Variants in NTSR1 observed in about 807,000 individuals in gnomAD.
NTSR1 encodes neurotensin receptor type 1.
In NTSR1, 29 loss-of-function variants were observed where a neutral mutation model predicts 31.2. That is an observed-to-expected ratio of 0.93 (90% CI 0.69 to 1.27). The LOEUF is 1.27. NTSR1 is among the 50% of genes most tolerant of loss of function. The pLI, the probability that NTSR1 is intolerant of heterozygous loss-of-function variation, is 0.00. For missense variants in NTSR1, 697 were observed against 595.4 expected (o/e 1.17, Z -1.78); for synonymous variants, 282 against 269.9 (o/e 1.04, Z -0.44).
intron 1 of NTSR1, among the ~76,000 whole-genome samples, chr20:62,750,837 T>C (rs533542877): frequency 6.6e-6 from 1 of 152,172 alleles, no homozygotes; most frequent in African/African-American, 2.4e-5. Flanking sequence ...CATTTCACAA[T>C]GTATACATAG....
At chr20:62,738,251 G>A (rs1023286449) in intron 1 of NTSR1, among the ~76,000 whole-genome samples, 9 of 152,168 alleles carry the variant, frequency 5.9e-5, no homozygotes, top group African/African-American at 9.7e-5. Context: ...CTAGATGGCC[G>A]GCCTGGATGA....
At chr20:62,728,876 C>T (rs765874584) in intron 1 of NTSR1, among the ~76,000 whole-genome samples, 30 of 152,148 alleles carry the variant, frequency 2.0e-4, no homozygotes, top group Non-Finnish European at 1.8e-4. Flanking sequence ...GACAGAGGGG[C>T]TTCAGGACAC....
At position 62,709,316 on chromosome 20, in the gene NTSR1, A is replaced by C; in HGVS notation, c.109A>C (p.Asn37His). ...GGCGCTGCTGGCCCCGGGCTTCGGC[A>C]ACGCTTCGGGCAACGCGTCGGAGCG... ...EEALLAPGFG[N>H]ASGNASERVL... is the part of the protein sequence containing the mutation. Residue 37 changes from asparagine to histidine, a missense_variant, in exon 1 of 4, where the codon AAC becomes CAC. Transcript: ENST00000370501. 1 of 1,606,510 alleles carries C rather than the reference A, an allele frequency of 6.2e-7. No homozygotes were observed. The highest frequency in any genetic ancestry group is 8.5e-7 in the Non-Finnish European group (1 of 1,177,832).
intron 1 of NTSR1, among the ~76,000 whole-genome samples, chr20:62,728,823 T>C (rs985853724): frequency 6.6e-6 from 1 of 152,146 alleles, no homozygotes; most frequent in African/African-American, 2.4e-5. Flanking sequence ...CCAGTTTCTG[T>C]CACCTGCACC....
chr20:62,718,883 C>T (rs1233369183), intron 1 of NTSR1, among the ~76,000 whole-genome samples: 3 of 152,166 alleles, frequency 2.0e-5, no homozygotes, highest in Admixed American at 6.5e-5. Context: ...TGAGTAAATA[C>T]GTAGGTTTCA....
At chr20:62,757,696 C>T (rs1414390077) in intron 2 of NTSR1, among the ~76,000 whole-genome samples, 1 of 152,178 alleles carries the variant, frequency 6.6e-6, no homozygotes, top group Non-Finnish European at 1.5e-5. Context: ...CTCCCTGCAT[C>T]TCCCTCAGAC....
intron 1 of NTSR1, among the ~76,000 whole-genome samples, chr20:62,721,316 G>T (rs937644846): frequency 4.6e-5 from 7 of 152,178 alleles, no homozygotes; most frequent in Non-Finnish European, 1.0e-4. Context: ...CATCCTCTGG[G>T]TCATCTTGAG....
chr20:62,753,444 C>G (rs1397504471), intron 1 of NTSR1, among the ~76,000 whole-genome samples: 2 of 152,218 alleles, frequency 1.3e-5, no homozygotes, highest in Non-Finnish European at 2.9e-5. Context: ...TGCAGCCCAG[C>G]CCAGGGAATC....
intron 1 of NTSR1, among the ~76,000 whole-genome samples, chr20:62,726,713 T>C (rs1012063232): frequency 2.2e-4 from 30 of 137,276 alleles, no homozygotes; most frequent in Non-Finnish European, 1.6e-5. Flanking sequence ...AAAAAAATGG[T>C]GGGAATGGCT....
rs11481597 is a variant in NTSR1, at chr20:62,744,554, C to CA, written c.715-10116dup. 0.032 allele frequency among the ~76,000 whole-genome samples: 3,739 copies of CA among 116,726 alleles called. 140 individuals are homozygous for CA. The highest frequency in any genetic ancestry group is 0.079 in the African/African-American group (2,430 of 30,676). The allele number at this position is 116,726 out of a possible 152,430, so 76.6% of individuals were successfully genotyped here. A position where few individuals can be genotyped will look rare whatever the true frequency, so the allele number is the denominator to read the frequency against. On this transcript the variant is annotated intron_variant, in intron 1 of 3. Transcript: ENST00000370501. The surrounding 1 kb of genome is among the most constrained non-coding windows in gnomAD (Gnocchi z 4.1). Reference sequence around the variant, plus strand: ...TGGGTGACAGAACAAGACTCCGTCTCAAAAAAAAAAAAAAATACAAAATTA... The same window carrying CA: ...TGGGTGACAGAACAAGACTCCGTCTCAAAAAAAAAAAAAAAATACAAAATTA...
intron 1 of NTSR1, among the ~76,000 whole-genome samples, chr20:62,726,609 C>T (rs898248015): frequency 2.6e-5 from 4 of 151,746 alleles, no homozygotes; most frequent in African/African-American, 4.8e-5. Context: ...GCAGGAGAAT[C>T]GCTTGAGCCT....
intron 1 of NTSR1, among the ~76,000 whole-genome samples, chr20:62,724,695 GC>G (rs1988876649): frequency 6.6e-6 from 1 of 152,228 alleles, no homozygotes; most frequent in African/African-American, 2.4e-5. Flanking sequence ...TCTTGGGGCT[GC>G]AGAGGCTCAA....
chr20:62,754,629 G>A, intron 1 of NTSR1, 56 bp from the exon 2 acceptor site: 1 of 1,425,146 alleles, frequency 7.0e-7, no homozygotes, highest in Non-Finnish European at 9.8e-7. Context: ...CATCCCAGCT[G>A]AGGGTGCATG....
intron 1 of NTSR1, among the ~76,000 whole-genome samples, chr20:62,726,673 C>T (rs8120436): frequency 0.68 from 101,824 of 149,680 alleles, 38,665 homozygotes; most frequent in East Asian, 0.94. Context: ...CCAGCCTGGA[C>T]GGCAGAGCAG....
Position 62,736,718 on chromosome 20 carries a change from G to A in NTSR1, c.715-17967G>A, listed in dbSNP as rs116158531. ...GCTTCATTTTCCATCTGTGACCAGGGCCCAGGCCACATGCACACACCTGGC... is the reference window on the plus strand; with the variant it reads ...GCTTCATTTTCCATCTGTGACCAGGACCCAGGCCACATGCACACACCTGGC... On this transcript the variant is annotated intron_variant, in intron 1 of 3. Transcript: ENST00000370501. Among the ~76,000 whole-genome samples the A allele has an allele frequency of 4.0e-3, 610 of 152,312 alleles. 1 individual carries two copies. The highest frequency in any genetic ancestry group is 0.014 in the African/African-American group (587 of 41,572).
Position 62,760,085 on chromosome 20 carries a change from A to T in NTSR1, c.1075A>T (p.Ile359Phe), listed in dbSNP as rs1158010767. 1 of 1,614,118 alleles carries T rather than the reference A, an allele frequency of 6.2e-7. No individual in the cohort carries two copies. The highest frequency in any genetic ancestry group is 1.1e-5 in the South Asian group (1 of 91,084). Residue 359 changes from isoleucine to phenylalanine, a missense_variant, in exon 4 of 4, where the codon ATC (isoleucine) becomes TTC (phenylalanine). Transcript: ENST00000370501. ...TNALFYVSST[I>F]NPILYNLVSA... ...CGCACTCTTCTACGTCAGCTCCACCATCAACCCCATCCTGTACAACCTCGT... is the reference window on the plus strand; with the variant it reads ...CGCACTCTTCTACGTCAGCTCCACCTTCAACCCCATCCTGTACAACCTCGT...
At chr20:62,717,534 C>T (rs142171539) in intron 1 of NTSR1, among the ~76,000 whole-genome samples, 2 of 152,272 alleles carry the variant, frequency 1.3e-5, no homozygotes, top group South Asian at 2.1e-4. Context: ...CTGGAGGTAG[C>T]GATTGCCCTG....
Position 62,748,923 on chromosome 20 carries a change from T to TC in NTSR1, c.715-5756dup, listed in dbSNP as rs1310600454. On this transcript the variant is annotated intron_variant, in intron 1 of 3. Transcript: ENST00000370501. Reference sequence around the variant, plus strand: ...TGCCACGGCGGAACTTTTCCGAGAGTCCCCCCAGCAAGAAGGCTTTCACCA... The same window carrying TC: ...TGCCACGGCGGAACTTTTCCGAGAGTCCCCCCCAGCAAGAAGGCTTTCACCA... 1.2e-4 allele frequency among the ~76,000 whole-genome samples: 18 copies of TC among 151,444 alleles called. No homozygotes were observed. In the East Asian group the frequency reaches 3.1e-3, roughly 26 times the overall value.
At chr20:62,713,605 G>A (rs1173454887) in intron 1 of NTSR1, among the ~76,000 whole-genome samples, 1 of 152,216 alleles carries the variant, frequency 6.6e-6, no homozygotes, top group Non-Finnish European at 1.5e-5. Flanking sequence ...GAGGTGTTTA[G>A]AGTGTGGAGT....
Sources: allele counts gnomAD v4.1 joint callset (sites outside exome capture counted in the v4.1 genomes callset), GRCh38; gene constraint gnomAD v4.1.1; non-coding constraint Gnocchi (gnomAD v3.1); transcripts MANE v1.5; gene names NCBI Gene and HGNC (gene_info 2026-07-23, HGNC 2026-07-21).